The following GNPAT variants were observed in gnomAD, a reference collection of about 807,000 sequenced individuals.
GNPAT encodes glyceronephosphate O-acyltransferase.
Under a neutral mutation model 78.4 loss-of-function variants are expected in GNPAT, and 30 were observed. The observed-to-expected ratio is 0.38, with a 90% confidence interval of 0.29 to 0.52. The LOEUF (loss-of-function observed/expected upper bound fraction) is 0.52. GNPAT is among the 20% of genes least tolerant of loss of function. The pLI is 0.84. For missense variants in GNPAT, 714 were observed against 812.2 expected, an observed-to-expected ratio of 0.88 and a Z score of 1.47; for synonymous variants, 271 against 281.1, an observed-to-expected ratio of 0.96 and a Z score of 0.36.
intron 3 of GNPAT, 105 bp downstream of exon 3, chr1:231,260,788 A>G (rs1295952315): frequency 1.3e-6 from 1 of 788,690 alleles, no homozygotes; most frequent in East Asian, 2.7e-5. Flanking sequence ...TAATCAACTC[A>G]AGGACAGCTC....
intron 1 of GNPAT, among the ~76,000 whole-genome samples, chr1:231,247,198 A>C (rs1249790461): frequency 2.6e-5 from 4 of 152,110 alleles, no homozygotes; most frequent in African/African-American, 9.7e-5. Context: ...GACATCGGGT[A>C]AGGGCCAGAA....
At chr1:231,244,960 T>C (rs1477111551) in intron 1 of GNPAT, among the ~76,000 whole-genome samples, 1 of 152,252 alleles carries the variant, frequency 6.6e-6, no homozygotes, top group East Asian at 1.9e-4. Flanking sequence ...GCTCTGACTT[T>C]ACTAATCTTC....
intron 2 of GNPAT, among the ~76,000 whole-genome samples, chr1:231,259,551 G>A (rs1303083915): frequency 1.3e-5 from 2 of 151,610 alleles, no homozygotes; most frequent in African/African-American, 4.9e-5. Context: ...GGAGGCTAAG[G>A]CAGGAGAATC....
At chr1:231,277,407 C>T in intron 15 of GNPAT, 92 bp from the exon 16 acceptor site, 1 of 817,342 alleles carries the variant, frequency 1.2e-6, no homozygotes, top group African/African-American at 1.7e-5. Flanking sequence ...AAGTCTCCAG[C>T]TTCTCCCCTG....
chr1:231,276,918 C>A (rs1685734312), intron 15 of GNPAT, among the ~76,000 whole-genome samples: 1 of 152,198 alleles, frequency 6.6e-6, no homozygotes, highest in South Asian at 2.1e-4. Context: ...TGTACCTAAT[C>A]TTAATTCAGT....
At chr1:231,276,663 A>G in intron 15 of GNPAT, among the ~76,000 whole-genome samples, 1 of 152,352 alleles carries the variant, frequency 6.6e-6, no homozygotes, top group Admixed American at 6.5e-5. Flanking sequence ...ACTCTTCTCT[A>G]GAGCCTATCA....
intron 1 of GNPAT, among the ~76,000 whole-genome samples, chr1:231,247,083 G>C (rs757056229): frequency 6.6e-6 from 1 of 151,948 alleles, no homozygotes; most frequent in Non-Finnish European, 1.5e-5. Context: ...GCAGAATGGC[G>C]TGAACCCGGG....
At chr1:231,254,658 C>G (rs1684996014) in intron 2 of GNPAT, among the ~76,000 whole-genome samples, 1 of 151,174 alleles carries the variant, frequency 6.6e-6, no homozygotes, top group Non-Finnish European at 1.5e-5. Context: ...CCTTGTTAGT[C>G]AGGATGGTCT....
chr1:231,277,492 A>G lies in GNPAT; in HGVS notation c.2000-7A>G, dbSNP rs1360942567. 3 of 1,569,080 alleles carry G rather than the reference A, an allele frequency of 1.9e-6. No homozygotes were observed. Among genetic ancestry groups the G allele is most frequent in the South Asian group, 2.2e-5 (2 of 90,154 alleles). ...TTTCATGAGCTGCTTCTCTTTTTTCATCTTAGGTTGTAAGACACCAATAGG... is the reference window on the plus strand; with the variant it reads ...TTTCATGAGCTGCTTCTCTTTTTTCGTCTTAGGTTGTAAGACACCAATAGG... On this transcript the variant is annotated splice_region_variant and splice_polypyrimidine_tract_variant and intron_variant, in intron 15 of 15. Transcript: ENST00000366647.
intron 2 of GNPAT, among the ~76,000 whole-genome samples, chr1:231,258,771 T>C (rs1685137968): frequency 6.6e-6 from 1 of 151,022 alleles, no homozygotes; most frequent in Admixed American, 6.6e-5. Context: ...GCTGGGACTA[T>C]AGTCACCCAC....
rs779624314 is a variant in GNPAT at position 231,266,328 on chromosome 1, G to T, written c.976G>T (p.Val326Leu). ...CTCTGAAAATTTTGGAAGCATCCAT[G>T]TGTACTTTGGAGATCCTGTGTCACT... ...ILSENFGSIH[V>L]YFGDPVSLRS... The change falls in exon 8 of 16, where the codon GTG becomes TTG. Residue 326 changes from valine (V) to leucine (L), a missense_variant. Transcript: ENST00000366647. 3 of 1,613,944 alleles carry T rather than the reference G, an allele frequency of 1.9e-6. No individual in the cohort carries two copies. The highest frequency in any genetic ancestry group is 1.7e-6 in the Non-Finnish European group (2 of 1,179,812).
intron 2 of GNPAT, among the ~76,000 whole-genome samples, chr1:231,256,103 G>A (rs1571939991): frequency 6.6e-6 from 1 of 152,188 alleles, no homozygotes; most frequent in South Asian, 2.1e-4. Flanking sequence ...AGAATTTTAA[G>A]TACTTTCCTT....
Position 231,262,800 on chromosome 1 carries a change from T to C in GNPAT, c.516T>C (p.Ser172=). The C allele has an allele frequency of 6.2e-7, 1 of 1,608,740 alleles. No individual in the cohort carries two copies. Among genetic ancestry groups the C allele is most frequent in the South Asian group, 1.1e-5 (1 of 90,962 alleles). ...HRSYIDFLML[S]FLLYNYDLPV... The stretch of plus-strand genomic sequence containing the variant: ...GTTACATTGACTTCCTCATGTTGTC[T>C]TTTCTTCTATACAATTATGATTTGC... The change falls in exon 4 of 16, where the codon TCT becomes TCC. Residue 172 remains serine, a synonymous_variant. Coordinates refer to ENST00000366647, the MANE Select transcript of GNPAT (RefSeq NM_014236.4).
chr1:231,252,938 CTT>C (rs1684941096), intron 2 of GNPAT, among the ~76,000 whole-genome samples: 1 of 152,114 alleles, frequency 6.6e-6, no homozygotes, highest in African/African-American at 2.4e-5. Context: ...CTCTCCCTGA[CTT>C]TGCCTGTTAC....
intron 4 of GNPAT, among the ~76,000 whole-genome samples, chr1:231,264,117 T>C (rs1455036792): frequency 6.6e-6 from 1 of 152,232 alleles, no homozygotes. Flanking sequence ...TATTTGTTTC[T>C]TTGGTTCCCT....
At position 231,262,606 on chromosome 1, in the gene GNPAT, G is replaced by A. The variant is rs1272152448; in HGVS notation, c.439-117G>A. 4.8e-6 allele frequency: 4 copies of A among 837,174 alleles called. No individual in the cohort carries two copies. The East Asian group carries it at 7.4e-5, about 15-fold the overall frequency. 51.9% of individuals were successfully genotyped at this position (837,174 alleles called of 1,614,324 possible). A position where few individuals can be genotyped will look rare whatever the true frequency, so the allele number is the denominator to read the frequency against. On this transcript the variant is annotated intron_variant, in intron 3 of 15. Coordinates refer to ENST00000366647, the MANE Select transcript of GNPAT (RefSeq NM_014236.4). Reference sequence around the variant, plus strand: ...CGTTTATGTGTATGGCAAAAAGGCAGAAAAAGAGGATGGGTATTCCCTCTA... The same window carrying A: ...CGTTTATGTGTATGGCAAAAAGGCAAAAAAAGAGGATGGGTATTCCCTCTA...
At chr1:231,248,034 G>A (rs986467915) in intron 1 of GNPAT, among the ~76,000 whole-genome samples, 1 of 152,054 alleles carries the variant, frequency 6.6e-6, no homozygotes, top group African/African-American at 2.4e-5. Context: ...AGACTCCCTC[G>A]CTCCCATACA....
At chr1:231,273,858 G>C in intron 11 of GNPAT, 64 bp from the exon 12 acceptor site, 2 of 1,286,668 alleles carry the variant, frequency 1.6e-6, no homozygotes, top group Non-Finnish European at 2.3e-6. Flanking sequence ...GGGGGTACAT[G>C]TATTCAGATG....
chr1:231,270,529 GTAAGA>G (rs370053905), intron 9 of GNPAT, among the ~76,000 whole-genome samples: 151 of 152,200 alleles, frequency 9.9e-4, no homozygotes, highest in African/African-American at 3.6e-3. Context: ...AATTTTGGGG[GTAAGA>G]AAGTATGTTA....
Sources: gnomAD v4.1 joint callset for allele counts (sites outside exome capture counted in the v4.1 genomes callset) on GRCh38, gnomAD v4.1.1 for gene constraint, MANE v1.5 for transcripts, NCBI Gene and HGNC (gene_info 2026-07-23, HGNC 2026-07-21) for gene names.